Variants in NBAS observed in about 807,000 individuals in gnomAD.
NBAS encodes the protein NBAS subunit of NRZ tethering complex, also known as NAG/BC035112 fusion.
In NBAS, 219 loss-of-function variants were observed where a neutral mutation model predicts 302.5. The observed-to-expected ratio is 0.72, with a 90% CI of 0.65 to 0.81. The LOEUF is 0.81. NBAS is among the 30% of genes least tolerant of loss of function. NBAS has a pLI of 0.00. For missense variants in NBAS, 2,932 were observed against 2,841.6 expected, an observed-to-expected ratio of 1.03 and a Z score of -0.72; for synonymous variants, 1,118 against 1,021.6, an observed-to-expected ratio of 1.09 and a Z score of -1.80.
chr2:15,473,802 A>G (rs1221099387), intron 15 of NBAS, among the ~76,000 whole-genome samples: 3 of 152,214 alleles, frequency 2.0e-5, no homozygotes, highest in African/African-American at 7.2e-5. Flanking sequence ...TGAAGGCCAC[A>G]TGAAGGGTAG....
chr2:15,188,668 T>C (rs942738233), intron 49 of NBAS, among the ~76,000 whole-genome samples: 5 of 152,218 alleles, frequency 3.3e-5, no homozygotes, highest in African/African-American at 1.2e-4. Context: ...CTTTAAAAAT[T>C]AAGATTTTTG....
At chr2:15,334,160 TA>T (rs1416236585) in intron 35 of NBAS, among the ~76,000 whole-genome samples, 1 of 151,210 alleles carries the variant, frequency 6.6e-6, no homozygotes, top group African/African-American at 2.4e-5. Flanking sequence ...ACAACTGGCC[TA>T]GAGGTGTCTC....
intron 15 of NBAS, among the ~76,000 whole-genome samples, 153 bp from the exon 16 acceptor site, chr2:15,473,500 G>C (rs907173843): frequency 6.6e-6 from 1 of 152,220 alleles, no homozygotes; most frequent in African/African-American, 2.4e-5. Context: ...CAGATATTTT[G>C]AGGAGCAGAA....
chr2:15,541,753 G>T (rs1218415448), intron 6 of NBAS, among the ~76,000 whole-genome samples: 3 of 150,224 alleles, frequency 2.0e-5, no homozygotes, highest in Non-Finnish European at 3.0e-5. Context: ...CGGGAGGGAG[G>T]TGGGGGGGTC....
At chr2:15,085,570 G>A in the NBAS span, among the ~76,000 whole-genome samples, 1 of 152,146 alleles carries the variant, frequency 6.6e-6, no homozygotes, top group Non-Finnish European at 1.5e-5. Context: ...CATGGCCATG[G>A]CTGCATGCTC....
intron 48 of NBAS, among the ~76,000 whole-genome samples, chr2:15,217,137 C>T (rs529780543): frequency 6.6e-6 from 1 of 152,164 alleles, no homozygotes; most frequent in Non-Finnish European, 1.5e-5. Context: ...CCCTAGCCTG[C>T]TCTTTAAAAA....
chr2:15,354,640 T>C (rs1673526937), intron 33 of NBAS, among the ~76,000 whole-genome samples: 1 of 152,238 alleles, frequency 6.6e-6, no homozygotes, highest in African/African-American at 2.4e-5. Context: ...TGTAATATAT[T>C]GAATCATTTT....
chr2:14,867,262 CA>C, the NBAS span, among the ~76,000 whole-genome samples: 1 of 152,096 alleles, frequency 6.6e-6, no homozygotes, highest in African/African-American at 2.4e-5. Flanking sequence ...GAAAGCAACA[CA>C]AAACATTTCT....
At chr2:15,499,044 T>C in intron 11 of NBAS, among the ~76,000 whole-genome samples, 1 of 151,030 alleles carries the variant, frequency 6.6e-6, no homozygotes, top group East Asian at 2.0e-4. Context: ...TCTTCCCACC[T>C]CAGCCTCCCA....
the NBAS span, among the ~76,000 whole-genome samples, chr2:14,868,741 T>G: frequency 0.1 from 15,623 of 152,260 alleles, 1,104 homozygotes; most frequent in East Asian, 0.3. Flanking sequence ...TCTATATGGC[T>G]TTGTCTTTCC....
At chr2:15,108,118 G>C in the NBAS span, among the ~76,000 whole-genome samples, 1 of 152,026 alleles carries the variant, frequency 6.6e-6, no homozygotes, top group Admixed American at 6.6e-5. Context: ...TCCAGTTAGG[G>C]CTATTAGCAA....
chr2:15,339,048 C>T (rs1672729113), intron 35 of NBAS, among the ~76,000 whole-genome samples: 1 of 151,998 alleles, frequency 6.6e-6, no homozygotes, highest in Non-Finnish European at 1.5e-5. Flanking sequence ...ATTAAGCATA[C>T]TATTTCAGGG....
chr2:15,479,362 C>T (rs1680327653), intron 12 of NBAS, among the ~76,000 whole-genome samples: 1 of 152,056 alleles, frequency 6.6e-6, no homozygotes, highest in African/African-American at 2.4e-5. Flanking sequence ...GTCAACTAAA[C>T]TGAAACTTTA....
At chr2:15,367,396 A>G (rs1307392219) in intron 31 of NBAS, among the ~76,000 whole-genome samples, 1 of 152,178 alleles carries the variant, frequency 6.6e-6, no homozygotes, top group African/African-American at 2.4e-5. Flanking sequence ...CTGGCCCCCA[A>G]TAATTATAAT....
intron 47 of NBAS, among the ~76,000 whole-genome samples, chr2:15,219,503 A>C (rs1226378655): frequency 1.5e-5 from 2 of 133,564 alleles, no homozygotes; most frequent in Non-Finnish European, 3.2e-5. Flanking sequence ...CTGGGTACTT[A>C]AGATTAGGGA....
chr2:15,357,414 C>A (rs1673674745), intron 32 of NBAS, among the ~76,000 whole-genome samples: 1 of 152,098 alleles, frequency 6.6e-6, no homozygotes, highest in African/African-American at 2.4e-5. Flanking sequence ...GAAAATAAAC[C>A]CTTAAAATTT....
At chr2:15,230,915 G>T (rs1329410868) in intron 47 of NBAS, among the ~76,000 whole-genome samples, 1 of 152,148 alleles carries the variant, frequency 6.6e-6, no homozygotes, top group East Asian at 1.9e-4. Context: ...CCTCAGCCTG[G>T]AATTACCATC....
At position 15,442,358 on chromosome 2, in the gene NBAS, C is replaced by G. The variant is rs796370064; in HGVS notation, c.2340-14564G>C. On this transcript the variant is annotated intron_variant, in intron 21 of 51. Transcript: ENST00000281513. ...TCAGGATTAAGAAACTCACTCAAAA[C>G]CGCTCAACTACATGGAAACTGAACA... Among the ~76,000 whole-genome samples the G allele has an allele frequency of 9.7e-3, 1,447 of 149,920 alleles. 14 individuals are homozygous for G. The highest frequency in any genetic ancestry group is 0.045 in the East Asian group (225 of 5,026).
chr2:14,801,734 C>T, the NBAS span, among the ~76,000 whole-genome samples: 3 of 152,178 alleles, frequency 2.0e-5, no homozygotes, highest in South Asian at 4.2e-4. Flanking sequence ...TATGTTATCA[C>T]ATTTTGTATT....
Sources: allele counts gnomAD v4.1 joint callset (sites outside exome capture counted in the v4.1 genomes callset), GRCh38; gene constraint gnomAD v4.1.1; transcripts MANE v1.5; gene names NCBI Gene and HGNC (gene_info 2026-07-23, HGNC 2026-07-21).